Variants in TNRC6C observed in about 807,000 individuals in gnomAD.
TNRC6C encodes the protein trinucleotide repeat-containing gene 6C protein.
A neutral mutation model predicts 153.7 loss-of-function variants in TNRC6C; 20 were observed. The ratio of observed to expected loss-of-function variants is 0.13; its 90% CI spans 0.09 to 0.19. The LOEUF (loss-of-function observed/expected upper bound fraction) is 0.19. TNRC6C is among the 10% of genes least tolerant of loss of function. TNRC6C has a pLI of 1.00. For missense variants in TNRC6C, 1,987 were observed against 2,172.0 expected (o/e 0.91, Z 1.69); for synonymous variants, 811 against 841.4 (o/e 0.96, Z 0.63).
intron 3 of TNRC6C, among the ~76,000 whole-genome samples, chr17:78,053,162 C>A (rs1393509608): frequency 6.6e-6 from 1 of 152,142 alleles, no homozygotes; most frequent in Non-Finnish European, 1.5e-5. Context: ...ATCAAGCTTG[C>A]GCTGCTGTTC....
chr17:78,072,712 A>C (rs2073020069), intron 6 of TNRC6C, among the ~76,000 whole-genome samples: 1 of 152,218 alleles, frequency 6.6e-6, no homozygotes, highest in Non-Finnish European at 1.5e-5. Flanking sequence ...GAGAGAACAT[A>C]TCTCTACAAA....
chr17:78,097,462 T>G (rs2073507976), intron 16 of TNRC6C, among the ~76,000 whole-genome samples: 1 of 152,184 alleles, frequency 6.6e-6, no homozygotes, highest in Non-Finnish European at 1.5e-5. Flanking sequence ...ACATGGTATT[T>G]TAAGCATTCT....
At chr17:78,092,902 C>A in intron 14 of TNRC6C, 31 bp from the exon 17 acceptor site, 1 of 1,605,626 alleles carries the variant, frequency 6.2e-7, no homozygotes, top group Non-Finnish European at 8.5e-7. Context: ...AGAGTATTCA[C>A]TCGCTTCTTT....
rs142237188 is a variant in TNRC6C at position 77,965,863 on chromosome 17, T to A, written c.-38+6595T>A. Reference sequence around the variant, plus strand: ...CAGCAGTGAAAGAAATATGTTTACCTTTATTGGCCCAGTATTTCCCAAACT... The same window carrying A: ...CAGCAGTGAAAGAAATATGTTTACCATTATTGGCCCAGTATTTCCCAAACT... On this transcript the variant is annotated intron_variant, in intron 1 of 22. Coordinates refer to the TNRC6C transcript ENST00000636222. 2.7e-3 allele frequency among the ~76,000 whole-genome samples: 410 copies of A among 152,378 alleles called. 1 individual carries two copies. The highest frequency in any genetic ancestry group is 7.9e-3 in the African/African-American group (328 of 41,590).
chr17:77,963,391 T>TA (rs979511873), intron 1 of TNRC6C, among the ~76,000 whole-genome samples: 1 of 152,228 alleles, frequency 6.6e-6, no homozygotes, highest in African/African-American at 2.4e-5. Context: ...TATGTAATTT[T>TA]AAAAAATCTC....
At chr17:78,010,257 A>G (rs1334301942) in intron 1 of TNRC6C, among the ~76,000 whole-genome samples, 2 of 152,200 alleles carry the variant, frequency 1.3e-5, no homozygotes, top group African/African-American at 4.8e-5. Context: ...AAACTTTACC[A>G]TGCGTTCAGT....
At chr17:78,018,080 G>A (rs906721788) in intron 1 of TNRC6C, among the ~76,000 whole-genome samples, 2 of 152,110 alleles carry the variant, frequency 1.3e-5, no homozygotes, top group African/African-American at 4.8e-5. Flanking sequence ...ATAAAGACAG[G>A]AACCATATGT....
intron 3 of TNRC6C, among the ~76,000 whole-genome samples, chr17:78,064,413 C>T (rs1422595565): frequency 6.6e-6 from 1 of 152,120 alleles, no homozygotes; most frequent in Non-Finnish European, 1.5e-5. Flanking sequence ...CCAAACAAGC[C>T]ATGTGCAGTG....
chr17:77,958,381 G>T (rs1220577651), upstream of TNRC6C, among the ~76,000 whole-genome samples: 2 of 152,016 alleles, frequency 1.3e-5, no homozygotes, highest in African/African-American at 2.4e-5. Flanking sequence ...TCCCAGGACT[G>T]GCGCGCGTCC....
intron 15 of TNRC6C, 88 bp from the exon 18 acceptor site, chr17:78,093,532 A>G: frequency 2.7e-6 from 4 of 1,507,840 alleles, no homozygotes; most frequent in Non-Finnish European, 2.7e-6. Context: ...AAAAATTTCT[A>G]CAAACAGGAC....
intron 17 of TNRC6C, among the ~76,000 whole-genome samples, chr17:78,102,233 G>A (rs909618499): frequency 2.6e-5 from 4 of 152,266 alleles, no homozygotes; most frequent in South Asian, 2.1e-4. Flanking sequence ...CAGGCCTCCC[G>A]GGCTGGTGGG....
At chr17:78,107,767 C>G (rs2073727396) in exon 20 of TNRC6C, 1 of 152,246 alleles carries the variant, frequency 6.6e-6, no homozygotes, top group South Asian at 2.1e-4. Flanking sequence ...GGGACGGCAG[C>G]AAGAAGATGC....
chr17:77,961,873 A>G (rs1160910213), intron 1 of TNRC6C, among the ~76,000 whole-genome samples: 1 of 152,198 alleles, frequency 6.6e-6, no homozygotes, highest in African/African-American at 2.4e-5. Flanking sequence ...CCTTTTTGTT[A>G]AACAGCTGGC....
At position 78,007,279 on chromosome 17, in the gene TNRC6C, ATAAT is replaced by A. The variant is rs930630561; in HGVS notation, c.-546+2205_-546+2208del. 1.2e-4 allele frequency among the ~76,000 whole-genome samples: 18 copies of A among 152,348 alleles called. No homozygotes were observed. In the South Asian group the frequency reaches 1.7e-3, roughly 14 times the overall value. ...ACTAGCCTTAGAATGGGTTGTAGTAATAATTAATGTCTTTCCAAACAAAAAATGC... is the reference window on the plus strand; with the variant it reads ...ACTAGCCTTAGAATGGGTTGTAGTAATAATGTCTTTCCAAACAAAAAATGC... On this transcript the variant is annotated intron_variant, in intron 1 of 19. Coordinates refer to ENST00000301624, the Ensembl canonical transcript of TNRC6C.
At chr17:77,992,887 T>G (rs2071273478) in intron 1 of TNRC6C, among the ~76,000 whole-genome samples, 1 of 152,166 alleles carries the variant, frequency 6.6e-6, no homozygotes, top group African/African-American at 2.4e-5. Context: ...AAATTTTAGG[T>G]TACCTCTGAG....
At chr17:78,045,713 C>G (rs1328267840) in intron 2 of TNRC6C, among the ~76,000 whole-genome samples, 1 of 152,142 alleles carries the variant, frequency 6.6e-6, no homozygotes, top group Non-Finnish European at 1.5e-5. Flanking sequence ...AAGGAACTCA[C>G]CTTCAGAAAT....
intron 2 of TNRC6C, among the ~76,000 whole-genome samples, chr17:78,033,893 T>C (rs1172750330): frequency 6.6e-6 from 1 of 152,212 alleles, no homozygotes; most frequent in African/African-American, 2.4e-5. Context: ...GCCAGATGCA[T>C]CTTTCTAACT....
chr17:77,981,504 T>C (rs950766120), intron 1 of TNRC6C, among the ~76,000 whole-genome samples: 2 of 152,248 alleles, frequency 1.3e-5, no homozygotes, highest in African/African-American at 4.8e-5. Context: ...TTAGGAATTA[T>C]ATGCCAGGAA....
intron 2 of TNRC6C, among the ~76,000 whole-genome samples, chr17:78,033,669 CAA>C (rs1157937375): frequency 8.0e-6 from 1 of 124,916 alleles, no homozygotes. Flanking sequence ...AACTCCGTTT[CAA>C]AAAAAAAAAG....
Sources: gnomAD v4.1 joint callset for allele counts (sites outside exome capture counted in the v4.1 genomes callset) on GRCh38, gnomAD v4.1.1 for gene constraint, MANE v1.5 for transcripts, NCBI Gene and HGNC (gene_info 2026-07-23, HGNC 2026-07-21) for gene names.